The following PPP4R1 variants were observed in gnomAD, a reference collection of about 807,000 sequenced individuals.
PPP4R1 encodes the protein protein phosphatase 4 regulatory subunit 1.
PPP4R1 carries 42 observed loss-of-function variants against 111.2 expected under a neutral mutation model. The ratio of observed to expected loss-of-function variants is 0.38; its 90% CI spans 0.29 to 0.49. The LOEUF (loss-of-function observed/expected upper bound fraction) is 0.49, where lower values mean the gene tolerates loss of function less well. Among genes scored for constraint, PPP4R1 ranks in the 20% least tolerant of loss-of-function variants. The pLI is 0.97. For missense variants in PPP4R1, 1,012 were observed against 1,161.6 expected, an observed-to-expected ratio of 0.87 and a Z score of 1.87; for synonymous variants, 409 against 405.5, an observed-to-expected ratio of 1.01 and a Z score of -0.10.
chr18:9,579,735 CAATT>C (rs2066995700), intron 9 of PPP4R1, among the ~76,000 whole-genome samples: 4 of 152,112 alleles, frequency 2.6e-5, no homozygotes, highest in Admixed American at 6.5e-5. Flanking sequence ...AATAGAGTAA[CAATT>C]ACTTACATAG....
rs375624395 is a variant in PPP4R1, at chr18:9,584,422, T to C, written c.759+93A>G. Reference sequence around the variant, plus strand: ...TCTGGTTTATATTCATGGAATTGTGTTAATAAAACTTTGGAGTAAATGTGT... The same window carrying C: ...TCTGGTTTATATTCATGGAATTGTGCTAATAAAACTTTGGAGTAAATGTGT... On this transcript the variant is annotated intron_variant, in intron 8 of 19. Coordinates refer to ENST00000400556, the MANE Select transcript of PPP4R1 (RefSeq NM_001042388.3). The C allele has an allele frequency of 6.2e-5, 67 of 1,077,244 alleles. No homozygotes were observed. In the African/African-American group the frequency reaches 8.3e-4, roughly 13 times the overall value. 66.7% of individuals were successfully genotyped at this position (1,077,244 alleles called of 1,614,324 possible). A position where few individuals can be genotyped will look rare whatever the true frequency, so the allele number is the denominator to read the frequency against.
At chr18:9,581,804 A>G (rs2145181318) in intron 9 of PPP4R1, among the ~76,000 whole-genome samples, 2 of 152,278 alleles carry the variant, frequency 1.3e-5, no homozygotes, top group Non-Finnish European at 2.9e-5. Context: ...AGTCAAAGGC[A>G]AGGAGAAAAA....
At chr18:9,591,072 G>C (rs566297092) in intron 4 of PPP4R1, among the ~76,000 whole-genome samples, 11 of 152,234 alleles carry the variant, frequency 7.2e-5, no homozygotes, top group Admixed American at 7.2e-4. Context: ...AAGAAGCCAG[G>C]CATGGTGGCT....
chr18:9,597,937 C>T (rs2067315934), intron 2 of PPP4R1, among the ~76,000 whole-genome samples: 1 of 151,496 alleles, frequency 6.6e-6, no homozygotes, highest in Admixed American at 6.6e-5. Context: ...AACTATATTC[C>T]ATACATTTAA....
At chr18:9,613,973 G>C (rs571318410) in intron 2 of PPP4R1, 2 of 267,516 alleles carry the variant, frequency 7.5e-6, no homozygotes, top group Non-Finnish European at 1.4e-5. Flanking sequence ...GGGGGCGCCG[G>C]GAGAAGAGAG....
chr18:9,556,095 A>G (rs970491541), intron 15 of PPP4R1, among the ~76,000 whole-genome samples: 1 of 151,140 alleles, frequency 6.6e-6, no homozygotes, highest in Admixed American at 6.6e-5. Context: ...TGGGAGGCGG[A>G]GGTTGCAGTG....
intron 17 of PPP4R1, 37 bp from the exon 18 acceptor site, chr18:9,550,223 C>T: frequency 1.9e-6 from 3 of 1,614,154 alleles, no homozygotes; most frequent in Non-Finnish European, 2.5e-6. Context: ...GGAACAGCTT[C>T]CATTCTAGGA....
chr18:9,588,774 T>C lies in PPP4R1; in HGVS notation c.375A>G (p.Pro125=), dbSNP rs746670669. The C allele has an allele frequency of 1.2e-6, 2 of 1,613,840 alleles. No homozygotes were observed. Among genetic ancestry groups the C allele is most frequent in the African/African-American group, 1.3e-5 (1 of 74,926 alleles). The change falls in exon 5 of 20, where the codon CCA becomes CCG. Residue 125 remains proline (P), a synonymous_variant. Transcript: ENST00000400556. Reference sequence around the variant, plus strand: ...GTAGTAAGAATTTTGAAAAAGCATATGGTATTGAAGGCCGGTTTTCTTGAC... The same window carrying C: ...GTAGTAAGAATTTTGAAAAAGCATACGGTATTGAAGGCCGGTTTTCTTGAC... ...LFCQENRPSI[P]YAFSKFLLPI...
upstream of PPP4R1, among the ~76,000 whole-genome samples, chr18:9,616,446 T>A (rs1201733666): frequency 6.6e-6 from 1 of 152,142 alleles, no homozygotes; most frequent in Non-Finnish European, 1.5e-5. Context: ...AATTTATTTT[T>A]AAAATTTTTT....
intron 15 of PPP4R1, among the ~76,000 whole-genome samples, chr18:9,554,519 G>T (rs1263080040): frequency 6.6e-6 from 1 of 151,942 alleles, no homozygotes; most frequent in African/African-American, 2.4e-5. Context: ...AGAGAAAACG[G>T]TATTGAATTG....
intron 6 of PPP4R1, 123 bp from the exon 7 acceptor site, chr18:9,584,951 TA>T: frequency 1.4e-6 from 1 of 701,950 alleles, no homozygotes; most frequent in East Asian, 2.8e-5. Context: ...TTATACTATA[TA>T]CATGACAGAA....
At chr18:9,605,877 G>T (rs2067473729) in intron 2 of PPP4R1, among the ~76,000 whole-genome samples, 1 of 152,056 alleles carries the variant, frequency 6.6e-6, no homozygotes, top group South Asian at 2.1e-4. Context: ...CAGGCTAAAG[G>T]TCCCAATGAC....
At chr18:9,576,843 C>A (rs560225513) in intron 10 of PPP4R1, among the ~76,000 whole-genome samples, 1 of 152,288 alleles carries the variant, frequency 6.6e-6, no homozygotes, top group South Asian at 2.1e-4. Flanking sequence ...AATTGTGTTA[C>A]ATGCATCTAC....
At chr18:9,596,551 G>A (rs2067293142) in intron 2 of PPP4R1, among the ~76,000 whole-genome samples, 1 of 152,158 alleles carries the variant, frequency 6.6e-6, no homozygotes. Flanking sequence ...AAGCATTTAA[G>A]TATTTTTGAA....
intron 6 of PPP4R1, among the ~76,000 whole-genome samples, chr18:9,587,095 A>G (rs1233665738): frequency 6.6e-6 from 1 of 152,152 alleles, no homozygotes; most frequent in East Asian, 1.9e-4. Flanking sequence ...GCAAAGTATT[A>G]TTTTATTTCC....
chr18:9,617,136 C>G (rs920725752), upstream of PPP4R1: 1 of 152,304 alleles, frequency 6.6e-6, no homozygotes, highest in South Asian at 2.1e-4. Context: ...CCCAGCTTCA[C>G]TTACAATGCA....
intron 19 of PPP4R1, 69 bp downstream of exon 19, chr18:9,549,128 G>A: frequency 6.5e-7 from 1 of 1,537,528 alleles, no homozygotes; most frequent in Non-Finnish European, 9.0e-7. Flanking sequence ...TTTGATATCT[G>A]CTGATCCAGT....
intron 2 of PPP4R1, among the ~76,000 whole-genome samples, chr18:9,606,669 T>C (rs1245912181): frequency 6.6e-6 from 1 of 151,898 alleles, no homozygotes; most frequent in East Asian, 1.9e-4. Flanking sequence ...ATATGTATAT[T>C]CATATATGTA....
At position 9,584,539 on chromosome 18, in the gene PPP4R1, G is replaced by A. The variant is rs776295224; in HGVS notation, c.735C>T (p.Gly245=). 1.2e-6 allele frequency: 2 copies of A among 1,612,732 alleles called. No homozygotes were observed. The highest frequency in any genetic ancestry group is 1.7e-6 in the Non-Finnish European group (2 of 1,179,464). ...CCAACATTTCTTCAGTAGCTTGCTG[G>A]CCAACTACACTGCAAATATCTCCAA... ...ANFGDICSVV[G]QQATEEMLLP... The change falls in exon 8 of 20, where the codon GGC becomes GGT. Residue 245 remains glycine, a synonymous_variant. Transcript: ENST00000400556.
Sources: gnomAD v4.1 joint callset for allele counts (sites outside exome capture counted in the v4.1 genomes callset) on GRCh38, gnomAD v4.1.1 for gene constraint, MANE v1.5 for transcripts, NCBI Gene and HGNC (gene_info 2026-07-23, HGNC 2026-07-21) for gene names.